The following DSCAM variants were observed in gnomAD, a reference collection of about 807,000 sequenced individuals.
The protein encoded by DSCAM is DS cell adhesion molecule.
A neutral mutation model predicts 217.7 loss-of-function variants in DSCAM; 47 were observed. The ratio of observed to expected loss-of-function variants is 0.22; its 90% CI spans 0.17 to 0.28. The LOEUF (loss-of-function observed/expected upper bound fraction) is 0.28. Ranked by LOEUF, DSCAM falls within the 10% of genes least tolerant of loss-of-function variation. DSCAM has a pLI of 1.00. For synonymous variants in DSCAM, 1,056 were observed against 1,015.3 expected (o/e 1.04, Z -0.76); for missense variants, 2,080 against 2,618.3 (o/e 0.79, Z 4.49).
At chr21:40,790,630 T>C (rs1441170844) in intron 1 of DSCAM, among the ~76,000 whole-genome samples, 4 of 152,182 alleles carry the variant, frequency 2.6e-5, no homozygotes, top group African/African-American at 9.7e-5. Context: ...GGAGTAATTG[T>C]GTGTTATGAG....
At chr21:40,820,953 G>A (rs985656092) in intron 1 of DSCAM, among the ~76,000 whole-genome samples, 3 of 151,546 alleles carry the variant, frequency 2.0e-5, no homozygotes, top group Non-Finnish European at 4.4e-5. Context: ...AGTACAGCAA[G>A]TTTTTTGTAC....
chr21:40,841,757 G>T (rs767652639), intron 1 of DSCAM, among the ~76,000 whole-genome samples: 1 of 152,248 alleles, frequency 6.6e-6, no homozygotes, highest in Non-Finnish European at 1.5e-5. Context: ...CGCGCGCCAC[G>T]CCGGGGTTCC....
chr21:40,182,588 A>AG (rs1398219721), intron 14 of DSCAM, among the ~76,000 whole-genome samples: 34 of 71,596 alleles, frequency 4.7e-4, no homozygotes, highest in African/African-American at 1.6e-3. Flanking sequence ...TGTGGACAGG[A>AG]GGGGCCAGCA....
At chr21:40,115,885 A>G (rs2089964518) in intron 20 of DSCAM, among the ~76,000 whole-genome samples, 1 of 152,244 alleles carries the variant, frequency 6.6e-6, no homozygotes, top group Non-Finnish European at 1.5e-5. Flanking sequence ...TCACAATAGC[A>G]AAGATGTGAA....
chr21:40,356,499 C>T (rs2074694839), intron 4 of DSCAM, among the ~76,000 whole-genome samples: 1 of 151,724 alleles, frequency 6.6e-6, no homozygotes, highest in South Asian at 2.1e-4. Flanking sequence ...AAACTCTAGC[C>T]AAGGAGATGT....
chr21:40,176,874 G>A (rs1458011548), intron 15 of DSCAM, among the ~76,000 whole-genome samples: 1 of 152,238 alleles, frequency 6.6e-6, no homozygotes, highest in East Asian at 1.9e-4. Context: ...TTCTGGCAGG[G>A]AGAGAGCTGC....
chr21:40,257,636 C>T (rs1170769463), intron 11 of DSCAM, among the ~76,000 whole-genome samples: 38 of 152,078 alleles, frequency 2.5e-4, no homozygotes, highest in Non-Finnish European at 1.5e-5. Flanking sequence ...AGCATTACTA[C>T]AATCCCAATT....
At chr21:40,156,380 C>T (rs763023266) in intron 16 of DSCAM, among the ~76,000 whole-genome samples, 3 of 148,410 alleles carry the variant, frequency 2.0e-5, no homozygotes, top group East Asian at 4.0e-4. Flanking sequence ...AGTCACACGC[C>T]GGGTTGTTGC....
intron 3 of DSCAM, among the ~76,000 whole-genome samples, chr21:40,374,227 A>T (rs936619082): frequency 1.4e-4 from 21 of 152,212 alleles, no homozygotes; most frequent in African/African-American, 5.1e-4. Context: ...ATAAATAAAA[A>T]ATTAAATTGG....
At chr21:40,511,691 A>G (rs1279061965) in intron 3 of DSCAM, among the ~76,000 whole-genome samples, 2 of 151,980 alleles carry the variant, frequency 1.3e-5, no homozygotes, top group South Asian at 2.1e-4. Context: ...TCTTTCACCA[A>G]CCTACAAAAA....
intron 3 of DSCAM, among the ~76,000 whole-genome samples, chr21:40,660,943 C>A (rs2090132539): frequency 6.6e-6 from 1 of 152,202 alleles, no homozygotes; most frequent in African/African-American, 2.4e-5. Flanking sequence ...TAAGATCTGA[C>A]ATCACCTTCT....
chr21:40,208,726 G>A (rs751339406), intron 11 of DSCAM, among the ~76,000 whole-genome samples: 6 of 152,158 alleles, frequency 3.9e-5, no homozygotes, highest in South Asian at 2.1e-4. Flanking sequence ...ACTGTTATCC[G>A]TAGGGGGTTC....
intron 13 of DSCAM, 94 bp downstream of exon 13, chr21:40,187,797 T>C (rs897360118): frequency 2.7e-6 from 3 of 1,106,070 alleles, no homozygotes; most frequent in African/African-American, 3.1e-5. Context: ...AAGTGTTACA[T>C]GGCAAGTTGA....
rs1199778673 is a variant in DSCAM, at chr21:40,187,947, C to T, written c.2594G>A (p.Cys865Tyr). The T allele has an allele frequency of 1.2e-6, 2 of 1,613,888 alleles. No individual in the cohort carries two copies. Among genetic ancestry groups the T allele is most frequent in the African/African-American group, 1.3e-5 (1 of 74,898 alleles). The change falls in exon 13 of 33, where the codon TGC (cysteine) becomes TAC (tyrosine). Residue 865 changes from cysteine (C) to tyrosine (Y), a missense_variant. This residue lies in a region of DSCAM where 1,144 missense variants were observed against 1,421.1 expected (regional missense o/e 0.81). Coordinates refer to ENST00000400454, the MANE Select transcript of DSCAM (RefSeq NM_001389.5). ...CTCCCCATAAGAATTAATAGCATGGCAGGAAAAGAAACCAGAATCTTCTCT... is the reference window on the plus strand; with the variant it reads ...CTCCCCATAAGAATTAATAGCATGGTAGGAAAAGAAACCAGAATCTTCTCT... ...TVREDSGFFS[C>Y]HAINSYGEDR...
intron 8 of DSCAM, 117 bp downstream of exon 8, chr21:40,337,984 G>C (rs2074445580): frequency 1.5e-6 from 2 of 1,299,496 alleles, no homozygotes; most frequent in African/African-American, 2.9e-5. Context: ...TCTTCAGCCT[G>C]TACAATTATC....
chr21:40,436,063 T>C (rs2075579783), intron 3 of DSCAM, among the ~76,000 whole-genome samples: 1 of 152,198 alleles, frequency 6.6e-6, no homozygotes, highest in South Asian at 2.1e-4. Context: ...GTAGGCTAAG[T>C]ATGATGTTCA....
intron 3 of DSCAM, among the ~76,000 whole-genome samples, chr21:40,636,674 T>C (rs964330584): frequency 4.6e-5 from 7 of 151,760 alleles, no homozygotes; most frequent in African/African-American, 1.7e-4. Context: ...TGTCTCCACT[T>C]CTATATCTAT....
At chr21:40,072,063 C>T (rs1261048104) in intron 27 of DSCAM, among the ~76,000 whole-genome samples, 1 of 152,220 alleles carries the variant, frequency 6.6e-6, no homozygotes, top group Non-Finnish European at 1.5e-5. Context: ...CTGCCCCTTG[C>T]AAGCCTTGAC....
At chr21:40,376,794 T>A (rs918202368) in intron 3 of DSCAM, among the ~76,000 whole-genome samples, 3 of 151,124 alleles carry the variant, frequency 2.0e-5, no homozygotes, top group Non-Finnish European at 4.4e-5. Flanking sequence ...GCAATTGAGT[T>A]GCCAGATAAA....
Sources: allele counts gnomAD v4.1 joint callset (sites outside exome capture counted in the v4.1 genomes callset), GRCh38; gene constraint gnomAD v4.1.1; regional missense constraint gnomAD v4.1.1; transcripts MANE v1.5; gene names NCBI Gene and HGNC (gene_info 2026-07-23, HGNC 2026-07-21).